Variants in DMAC2 observed in about 807,000 individuals in gnomAD.
DMAC2 encodes distal membrane-arm assembly complex protein 2.
A neutral mutation model predicts 29.6 loss-of-function variants in DMAC2; 32 were observed. That is an observed-to-expected ratio of 1.08 (90% CI 0.81 to 1.45). DMAC2 has a LOEUF of 1.45. Among genes scored for constraint, DMAC2 ranks in the 40% most tolerant of loss-of-function variants. The pLI, the probability that DMAC2 is intolerant of heterozygous loss-of-function variation, is 0.00. For synonymous variants in DMAC2, 133 were observed against 137.4 expected (o/e 0.97, Z 0.23); for missense variants, 319 against 340.0 (o/e 0.94, Z 0.49).
Position 41,438,322 on chromosome 19 carries a change from C to G in DMAC2, c.111G>C (p.Lys37Asn). Residue 37 changes from lysine to asparagine, a missense_variant, in exon 2 of 6, where the codon AAG becomes AAC. Transcript: ENST00000221943. ...TCAGGAACTGGAGTATTGTCCTTTT[C>G]TTCTTCTGATTGCCCTCTGGGGCCA... ...AAVAPEGNQK[K>N]KRTILQFLTN... is the part of the protein sequence containing the mutation. 27 of 1,614,242 alleles carry G rather than the reference C, an allele frequency of 1.7e-5. No individual in the cohort carries two copies. Among genetic ancestry groups the G allele is most frequent in the Non-Finnish European group, 2.3e-5 (27 of 1,180,030 alleles).
intron 2 of DMAC2, 66 bp downstream of exon 2, chr19:41,438,152 A>T: frequency 6.8e-7 from 1 of 1,479,658 alleles, no homozygotes; most frequent in Non-Finnish European, 9.3e-7. Context: ...TGGGAATGGC[A>T]AGGACAGGAC....
At chr19:41,439,330 C>A in intron 1 of DMAC2, 1 of 566,242 alleles carries the variant, frequency 1.8e-6, no homozygotes, top group East Asian at 3.1e-5. Flanking sequence ...ATTTTAAATC[C>A]TCTGAAAGAA....
At chr19:41,433,760 A>G (rs1263342504) in intron 3 of DMAC2, 87 bp from the exon 4 acceptor site, 29 of 1,530,532 alleles carry the variant, frequency 1.9e-5, no homozygotes, top group Non-Finnish European at 2.5e-5. Flanking sequence ...GCCCTATATA[A>G]TATGTATAGG....
rs185885524 is a variant in DMAC2, at chr19:41,438,287, A to T, written c.146T>A (p.Phe49Tyr). ...ATCCCTCAGAGCCTCCACATCGTAG[A>T]AATAGTTGGTCAGGAACTGGAGTAT... ...RTILQFLTNYFYDVEALRDYL... is the reference protein window; with the variant it reads ...RTILQFLTNYYYDVEALRDYL... Residue 49 changes from phenylalanine to tyrosine, a missense_variant, in exon 2 of 6, where the codon TTC (phenylalanine) becomes TAC (tyrosine). Phe to Tyr is a conservative substitution (Grantham distance 22). Coordinates refer to ENST00000221943, the MANE Select transcript of DMAC2 (RefSeq NM_018035.3). 7.4e-6 allele frequency: 12 copies of T among 1,614,266 alleles called. No individual in the cohort carries two copies. In the African/African-American group the frequency reaches 1.5e-4, roughly 20 times the overall value.
chr19:41,436,322 G>A, intron 3 of DMAC2, 70 bp downstream of exon 3: 1 of 1,381,184 alleles, frequency 7.2e-7, no homozygotes, highest in Non-Finnish European at 1.0e-6. Flanking sequence ...CTGTGTGACT[G>A]CAGAACCTGG....
At chr19:41,432,776 CAG>C in intron 5 of DMAC2, 1 of 271,898 alleles carries the variant, frequency 3.7e-6, no homozygotes, top group Non-Finnish European at 6.1e-6. Flanking sequence ...AGGTACAGGA[CAG>C]CGTGCGTGTG....
chr19:41,436,599 A>G, intron 2 of DMAC2, 127 bp from the exon 3 acceptor site: 1 of 773,098 alleles, frequency 1.3e-6, no homozygotes, highest in South Asian at 1.6e-5. Context: ...CAGGCTGAAA[A>G]TATTTATTGC....
intron 1 of DMAC2, among the ~76,000 whole-genome samples, chr19:41,438,812 C>T (rs1162516045): frequency 6.6e-6 from 1 of 152,138 alleles, no homozygotes; most frequent in East Asian, 1.9e-4. Context: ...ATCTTAAAAA[C>T]TTATCTCCAA....
intron 5 of DMAC2, 145 bp from the exon 6 acceptor site, chr19:41,432,553 A>G (rs2039574837): frequency 4.5e-6 from 3 of 670,266 alleles, no homozygotes; most frequent in Admixed American, 2.5e-5. Flanking sequence ...ATAGGGAGGT[A>G]CAGGACAGTG....
In DMAC2 at chr19:41,432,371, C is replaced by A. The variant is rs374325202; in HGVS notation, c.634G>T (p.Val212Leu). The A allele has an allele frequency of 3.1e-6, 5 of 1,613,874 alleles. No individual in the cohort carries two copies. The African/African-American group carries it at 6.7e-5, about 22-fold the overall frequency. Residue 212 changes from valine (V) to leucine (L), a missense_variant, in exon 6 of 6, where the codon GTG becomes TTG. Transcript: ENST00000221943. Reference sequence around the variant, plus strand: ...ATCTGAGTGAGGCCAGGGTTGGACACGGCAGGGAGGTCCGAGATGTCCAGC... The same window carrying A: ...ATCTGAGTGAGGCCAGGGTTGGACAAGGCAGGGAGGTCCGAGATGTCCAGC... Reference protein sequence around the residue: ...RRLDISDLPAVSNPGLTQILV... With the variant: ...RRLDISDLPALSNPGLTQILV...
chr19:41,432,103 T>A lies in DMAC2; in HGVS notation c.*128A>T. On this transcript the variant is annotated 3_prime_UTR_variant, in exon 6 of 6. Transcript: ENST00000221943. The stretch of plus-strand genomic sequence containing the variant: ...TACTGGGAACTCACGCTCTCTCCTG[T>A]GATTGGCCAGCACCACTCCCCCACC... 9.3e-7 allele frequency: 1 copy of A among 1,070,912 alleles called. No homozygotes were observed. Among genetic ancestry groups the A allele is most frequent in the Admixed American group, 2.2e-5 (1 of 45,494 alleles). 66.3% of individuals were successfully genotyped at this position (1,070,912 alleles called of 1,614,324 possible).
chr19:41,432,899 CATGT>C, intron 5 of DMAC2: 1 of 491,920 alleles, frequency 2.0e-6, no homozygotes, highest in South Asian at 3.1e-5. Flanking sequence ...TGCATGCGTG[CATGT>C]GTGTGTGTAT....
chr19:41,432,532 C>CGTGTGT, intron 5 of DMAC2, 124 bp from the exon 6 acceptor site: 1 of 806,762 alleles, frequency 1.2e-6, no homozygotes, highest in South Asian at 1.6e-5. Flanking sequence ...GTAAGGACAG[C>CGTGTGT]GTGTGTGTGT....
In DMAC2 at chr19:41,432,108, G is replaced by T; in HGVS notation, c.*123C>A. On this transcript the variant is annotated 3_prime_UTR_variant, in exon 6 of 6. Transcript: ENST00000221943. ...GGAACTCACGCTCTCTCCTGTGATT[G>T]GCCAGCACCACTCCCCCACCCTGAC... is the stretch of plus-strand genomic sequence containing the variant. 2 of 1,126,072 alleles carry T rather than the reference G, an allele frequency of 1.8e-6. No homozygotes were observed. The highest frequency in any genetic ancestry group is 1.3e-6 in the Non-Finnish European group (1 of 782,234). The allele number at this position is 1,126,072 out of a possible 1,614,324, so 69.8% of individuals were successfully genotyped here.
Position 41,439,288 on chromosome 19 carries a change from A to T in DMAC2, c.18+594T>A, listed in dbSNP as rs963591198. The T allele has an allele frequency of 1.9e-4, 101 of 526,792 alleles. No individual in the cohort carries two copies. In the East Asian group the frequency reaches 3.2e-3, roughly 17 times the overall value. 32.6% of individuals were successfully genotyped at this position (526,792 alleles called of 1,614,324 possible). On this transcript the variant is annotated intron_variant, in intron 1 of 5. Coordinates refer to ENST00000221943, the MANE Select transcript of DMAC2 (RefSeq NM_018035.3). Reference sequence around the variant, plus strand: ...TTTCCTCAAAAGTTTAAAGCTGCCAACCTCTTTAATTTTCCCTAAATTCAT... The same window carrying T: ...TTTCCTCAAAAGTTTAAAGCTGCCATCCTCTTTAATTTTCCCTAAATTCAT...
In DMAC2 at chr19:41,438,312, T is replaced by C. The variant is rs2039976245; in HGVS notation, c.121A>G (p.Ile41Val). The C allele has an allele frequency of 8.1e-6, 13 of 1,614,126 alleles. No homozygotes were observed. Among genetic ancestry groups the C allele is most frequent in the East Asian group, 2.2e-5 (1 of 44,892 alleles). ...PEGNQKKKRT[I>V]LQFLTNYFYD... ...AAATAGTTGGTCAGGAACTGGAGTA[T>C]TGTCCTTTTCTTCTTCTGATTGCCC... The change falls in exon 2 of 6, where the codon ATA becomes GTA. Residue 41 changes from isoleucine (I) to valine (V), a missense_variant. Transcript: ENST00000221943.
intron 2 of DMAC2, among the ~76,000 whole-genome samples, chr19:41,437,942 G>T (rs1428525015): frequency 2.0e-5 from 3 of 152,226 alleles, no homozygotes; most frequent in African/African-American, 7.2e-5. Context: ...GGATGGGAAG[G>T]CTTGGGAGTG....
intron 1 of DMAC2, chr19:41,439,239 C>G (rs1219756796): frequency 4.6e-6 from 2 of 433,636 alleles, no homozygotes; most frequent in Non-Finnish European, 8.2e-6. Context: ...CAAATTATCT[C>G]GATAATTTTA....
Position 41,433,805 on chromosome 19 carries a change from A to ATCT in DMAC2, c.297-133_297-132insAGA, listed in dbSNP as rs1555770387. On this transcript the variant is annotated intron_variant, in intron 3 of 5. Transcript: ENST00000221943. ...ACATAACTAATTCCATCTTAGAAAA[A>ATCT]GACTCCATCTGGCTGTGCGCAGTGG... 1.4e-3 allele frequency: 1,862 copies of ATCT among 1,285,634 alleles called. 29 individuals are homozygous for ATCT. In the African/African-American group the frequency reaches 0.025, roughly 17 times the overall value. The allele number at this position is 1,285,634 out of a possible 1,614,324, so 79.6% of individuals were successfully genotyped here.
Sources: allele counts gnomAD v4.1 joint callset (sites outside exome capture counted in the v4.1 genomes callset), GRCh38; gene constraint gnomAD v4.1.1; transcripts MANE v1.5; gene names NCBI Gene and HGNC (gene_info 2026-07-23, HGNC 2026-07-21).